Variants in WDR41 observed in about 807,000 individuals in gnomAD.
The protein encoded by WDR41 is WD repeat-containing protein 41.
WDR41 carries 63 observed loss-of-function variants against 69.3 expected under a neutral mutation model. That is an observed-to-expected ratio of 0.91 (90% CI 0.74 to 1.12). The LOEUF (loss-of-function observed/expected upper bound fraction) is 1.12. Ranked by LOEUF, WDR41 falls within the 50% of genes most tolerant of loss-of-function variation. The pLI is 0.00. For synonymous variants in WDR41, 185 were observed against 192.1 expected, an observed-to-expected ratio of 0.96 and a Z score of 0.31; for missense variants, 543 against 534.5, an observed-to-expected ratio of 1.02 and a Z score of -0.16.
rs1331351229 is a variant in WDR41, at chr5:77,442,895, A to C, written c.698-1898T>G. 3.3e-4 allele frequency among the ~76,000 whole-genome samples: 27 copies of C among 82,804 alleles called. No individual in the cohort carries two copies. In the South Asian group the frequency reaches 5.6e-3, roughly 17 times the overall value. 54.3% of individuals were successfully genotyped at this position (82,804 alleles called of 152,430 possible). ...CGACAGAGCGAGACTCTGTCTCCCC[A>C]AAAAAAAAAAAAAAAAAAGGATTTT... On this transcript the variant is annotated intron_variant, in intron 8 of 12. Transcript: ENST00000296679.
intron 1 of WDR41, 142 bp downstream of exon 1, chr5:77,492,028 A>T: frequency 1.9e-6 from 2 of 1,076,018 alleles, no homozygotes; most frequent in Non-Finnish European, 2.6e-6. Context: ...CACCGTCGTG[A>T]GAACAGCGCG....
At chr5:77,576,633 T>C (rs1743838569) in intron 1 of WDR41, among the ~76,000 whole-genome samples, 1 of 152,182 alleles carries the variant, frequency 6.6e-6, no homozygotes, top group Non-Finnish European at 1.5e-5. Flanking sequence ...GCCTCCTTTT[T>C]CTCTTTAAGA....
At chr5:77,596,057 T>G (rs1744222071) in intron 1 of WDR41, among the ~76,000 whole-genome samples, 1 of 152,192 alleles carries the variant, frequency 6.6e-6, no homozygotes, top group Admixed American at 6.5e-5. Context: ...TCATTCAGTC[T>G]CATAAAAAAC....
intron 1 of WDR41, among the ~76,000 whole-genome samples, chr5:77,599,327 A>C (rs777985042): frequency 6.7e-6 from 1 of 149,272 alleles, no homozygotes; most frequent in African/African-American, 2.5e-5. Context: ...CAGCCTCCTG[A>C]GTAGTTGGGA....
chr5:77,462,441 C>A (rs58300037), intron 4 of WDR41, among the ~76,000 whole-genome samples: 124 of 148,774 alleles, frequency 8.3e-4, no homozygotes, highest in African/African-American at 2.9e-3. Flanking sequence ...TTAAAAATAC[C>A]TATGTCAAAG....
intron 1 of WDR41, among the ~76,000 whole-genome samples, chr5:77,546,488 A>G (rs1743202622): frequency 6.6e-6 from 1 of 152,136 alleles, no homozygotes; most frequent in South Asian, 2.1e-4. Flanking sequence ...GCTGCTATGA[A>G]CACCTTTACA....
chr5:77,475,590 A>G (rs1233841697), intron 2 of WDR41, among the ~76,000 whole-genome samples: 2 of 152,018 alleles, frequency 1.3e-5, no homozygotes, highest in Admixed American at 6.6e-5. Context: ...GGGTACTCCA[A>G]CAGACCTGCA....
In WDR41 at chr5:77,512,355, A is replaced by T. The variant is rs7732779; in HGVS notation, c.43-22783T>A. ...GTGAGAGAGAGAGAGAGAGAGAGTG[A>T]GTGTGTGTGTGTGTGTGTGTGTGTG... On this transcript the variant is annotated intron_variant, in intron 1 of 5. Coordinates refer to the WDR41 transcript ENST00000509971. Among the ~76,000 whole-genome samples, 400 of 119,340 alleles carry T rather than the reference A, an allele frequency of 3.4e-3. 2 individuals are homozygous for T. The highest frequency in any genetic ancestry group is 6.8e-3 in the African/African-American group (213 of 31,162). The allele number at this position is 119,340 out of a possible 152,430, so 78.3% of individuals were successfully genotyped here.
intron 2 of WDR41, among the ~76,000 whole-genome samples, chr5:77,488,780 A>G (rs1385980829): frequency 2.0e-5 from 3 of 152,210 alleles, no homozygotes; most frequent in Admixed American, 2.0e-4. Flanking sequence ...CCTCATTCTC[A>G]TGAAGCTTAC....
intron 2 of WDR41, among the ~76,000 whole-genome samples, chr5:77,470,789 A>T (rs1581734328): frequency 1.3e-5 from 2 of 152,186 alleles, no homozygotes; most frequent in Admixed American, 6.5e-5. Context: ...AAGTCCTTAG[A>T]GACCTAGAAA....
intron 1 of WDR41, among the ~76,000 whole-genome samples, chr5:77,613,433 G>C (rs1226425246): frequency 1.3e-5 from 2 of 151,918 alleles, no homozygotes; most frequent in East Asian, 3.9e-4. Flanking sequence ...CATGGTACTG[G>C]TACCAAAACA....
At chr5:77,536,349 A>G (rs1742981403) in intron 1 of WDR41, among the ~76,000 whole-genome samples, 1 of 152,104 alleles carries the variant, frequency 6.6e-6, no homozygotes, top group Admixed American at 6.6e-5. Flanking sequence ...AATAAAAGAG[A>G]TAAAAACTAC....
chr5:77,580,201 C>T (rs1033534117), intron 1 of WDR41, among the ~76,000 whole-genome samples: 42 of 151,986 alleles, frequency 2.8e-4, no homozygotes, highest in African/African-American at 9.2e-4. Flanking sequence ...AAGACATACC[C>T]GAGACTGGGT....
intron 1 of WDR41, among the ~76,000 whole-genome samples, chr5:77,580,567 G>GA (rs112372904): frequency 0.3 from 44,785 of 151,292 alleles, 7,221 homozygotes; most frequent in East Asian, 0.41. Context: ...AAAATATAGT[G>GA]AAAAAATCAT....
chr5:77,459,649 T>C (rs1005372593), intron 4 of WDR41, among the ~76,000 whole-genome samples: 1 of 152,208 alleles, frequency 6.6e-6, no homozygotes, highest in African/African-American at 2.4e-5. Flanking sequence ...CAAGTTCAGT[T>C]TGACTTAAGC....
intron 1 of WDR41, among the ~76,000 whole-genome samples, chr5:77,532,134 A>C (rs143660061): frequency 6.6e-4 from 101 of 152,210 alleles, no homozygotes; most frequent in Non-Finnish European, 1.2e-3. Context: ...CAATTTTAAA[A>C]ATTTAAAAAT....
chr5:77,574,766 A>T (rs1743799487), intron 1 of WDR41, among the ~76,000 whole-genome samples: 1 of 152,204 alleles, frequency 6.6e-6, no homozygotes, highest in African/African-American at 2.4e-5. Flanking sequence ...ATAGATCTAC[A>T]GTAGGTCTTA....
chr5:77,468,126 C>A (rs1412095752), intron 2 of WDR41, among the ~76,000 whole-genome samples: 3 of 152,060 alleles, frequency 2.0e-5, no homozygotes, highest in Non-Finnish European at 4.4e-5. Flanking sequence ...CAAGGTGAAA[C>A]ATGGTTTAAC....
At chr5:77,550,051 A>G (rs914982205) in intron 1 of WDR41, among the ~76,000 whole-genome samples, 1 of 152,118 alleles carries the variant, frequency 6.6e-6, no homozygotes, top group African/African-American at 2.4e-5. Flanking sequence ...ACCAGAAGAA[A>G]AAAAAAGGAC....
Sources: gnomAD v4.1 joint callset for allele counts (sites outside exome capture counted in the v4.1 genomes callset) on GRCh38, gnomAD v4.1.1 for gene constraint, MANE v1.5 for transcripts, NCBI Gene and HGNC (gene_info 2026-07-23, HGNC 2026-07-21) for gene names.